Variants in TTLL9 observed in about 807,000 individuals in gnomAD.
TTLL9 encodes tubulin tyrosine ligase like 9.
A neutral mutation model predicts 65.6 loss-of-function variants in TTLL9; 47 were observed. The ratio of observed to expected loss-of-function variants is 0.72; its 90% CI spans 0.57 to 0.91. The LOEUF (loss-of-function observed/expected upper bound fraction) is 0.91, where lower values mean the gene tolerates loss of function less well. Ranked by LOEUF, TTLL9 falls within the 40% of genes least tolerant of loss-of-function variation. The pLI is 0.00. For missense variants in TTLL9, 537 were observed against 568.8 expected (o/e 0.94, Z 0.57); for synonymous variants, 179 against 204.8 (o/e 0.87, Z 1.07).
Position 31,898,533 on chromosome 20 carries a change from T to C in TTLL9, c.174T>C (p.Leu58=), listed in dbSNP as rs759222167. 1 of 1,614,204 alleles carries C rather than the reference T, an allele frequency of 6.2e-7. No individual in the cohort carries two copies. The highest frequency in any genetic ancestry group is 8.5e-7 in the Non-Finnish European group (1 of 1,180,034). The part of the protein sequence containing the change: ...TTLMNTLMDV[L]RHRPGWVEVK... ...TCATGAACACACTCATGGACGTCCTTCGCCACAGGCCAGGATGGGTGGAAG... is the reference window on the plus strand; with the variant it reads ...TCATGAACACACTCATGGACGTCCTCCGCCACAGGCCAGGATGGGTGGAAG... The change falls in exon 4 of 15, where the codon CTT becomes CTC. Residue 58 remains leucine (L), a synonymous_variant. Coordinates refer to ENST00000535842, the MANE Select transcript of TTLL9 (RefSeq NM_001008409.5).
intron 2 of TTLL9, chr20:31,884,233 A>T (rs925417796): frequency 5.4e-6 from 2 of 368,182 alleles, no homozygotes; most frequent in Non-Finnish European, 1.0e-5. Flanking sequence ...TTATTTATTT[A>T]TTTATTTTTT....
chr20:31,910,075 AC>A (rs2063624762), intron 6 of TTLL9, among the ~76,000 whole-genome samples, 153 bp downstream of exon 6: 1 of 152,154 alleles, frequency 6.6e-6, no homozygotes, highest in Admixed American at 6.5e-5. Flanking sequence ...CAGTGTGTGG[AC>A]CCAGCAGCTA....
chr20:31,941,914 G>A (rs117762288), intron 14 of TTLL9, among the ~76,000 whole-genome samples: 146 of 152,318 alleles, frequency 9.6e-4, no homozygotes, highest in South Asian at 2.3e-3. Flanking sequence ...TTAGGGAAGC[G>A]TTCAGGGACA....
chr20:31,933,766 T>C (rs2064058574), intron 10 of TTLL9, 34 bp from the exon 11 acceptor site: 1 of 1,609,004 alleles, frequency 6.2e-7, no homozygotes, highest in Non-Finnish European at 8.5e-7. Context: ...ACCCTTTTTG[T>C]TCACGCTGAC....
intron 3 of TTLL9, among the ~76,000 whole-genome samples, chr20:31,895,606 G>A (rs963257430): frequency 6.6e-6 from 1 of 151,790 alleles, no homozygotes; most frequent in African/African-American, 2.4e-5. Context: ...GTGTGATCTC[G>A]GCTCACTGCA....
At chr20:31,916,268 A>G (rs1292902621) in intron 6 of TTLL9, among the ~76,000 whole-genome samples, 1 of 152,236 alleles carries the variant, frequency 6.6e-6, no homozygotes, top group Non-Finnish European at 1.5e-5. Flanking sequence ...CACTTCTGCC[A>G]TAGGCAATTA....
intron 9 of TTLL9, among the ~76,000 whole-genome samples, chr20:31,925,518 TC>T (rs2063886216): frequency 1.3e-5 from 2 of 152,302 alleles, no homozygotes; most frequent in South Asian, 4.1e-4. Context: ...CAGAGCCTAC[TC>T]TTTTAACCAG....
intron 2 of TTLL9, among the ~76,000 whole-genome samples, chr20:31,873,197 G>A (rs2062962763): frequency 6.6e-6 from 1 of 152,302 alleles, no homozygotes; most frequent in South Asian, 2.1e-4. Context: ...ATGGCCCCCA[G>A]GCTTCCTGCC....
At chr20:31,932,386 C>T (rs534704013) in intron 10 of TTLL9, among the ~76,000 whole-genome samples, 7 of 146,218 alleles carry the variant, frequency 4.8e-5, no homozygotes, top group Non-Finnish European at 1.0e-4. Flanking sequence ...GCAGGAGAAT[C>T]GTTTGAACCC....
At chr20:31,899,609 G>T (rs1017446710) in intron 4 of TTLL9, among the ~76,000 whole-genome samples, 4 of 151,814 alleles carry the variant, frequency 2.6e-5, no homozygotes, top group African/African-American at 9.7e-5. Flanking sequence ...ACTCCAGCCT[G>T]GGTGACAGAG....
At chr20:31,921,821 T>C (rs2063819785) in intron 7 of TTLL9, among the ~76,000 whole-genome samples, 1 of 151,944 alleles carries the variant, frequency 6.6e-6, no homozygotes, top group Non-Finnish European at 1.5e-5. Context: ...CGGGGCTTAT[T>C]TTGGGGTGGA....
intron 4 of TTLL9, among the ~76,000 whole-genome samples, chr20:31,906,543 T>C (rs2063562187): frequency 6.6e-6 from 1 of 152,222 alleles, no homozygotes; most frequent in South Asian, 2.1e-4. Context: ...TGTCTCTTCA[T>C]TTTTCTCCAT....
intron 10 of TTLL9, among the ~76,000 whole-genome samples, chr20:31,932,034 G>C (rs1049921792): frequency 6.6e-6 from 1 of 152,118 alleles, no homozygotes; most frequent in Non-Finnish European, 1.5e-5. Flanking sequence ...TTAGGTCTGT[G>C]GTCCATTCAA....
chr20:31,907,801 A>G (rs577299019), intron 4 of TTLL9, among the ~76,000 whole-genome samples: 63 of 152,256 alleles, frequency 4.1e-4, no homozygotes. Context: ...GCGGCAGAAC[A>G]GAAGGAGATA....
intron 4 of TTLL9, 122 bp from the exon 5 acceptor site, chr20:31,908,469 A>T (rs2063593294): frequency 1.5e-6 from 1 of 658,914 alleles, no homozygotes; most frequent in Non-Finnish European, 2.8e-6. Flanking sequence ...CCTCCAAGAG[A>T]CTCTAGAGGG....
intron 2 of TTLL9, among the ~76,000 whole-genome samples, chr20:31,881,570 C>A (rs2063118304): frequency 6.6e-6 from 1 of 150,836 alleles, no homozygotes; most frequent in Non-Finnish European, 1.5e-5. Flanking sequence ...AAAATTAATA[C>A]TCTTTAAATA....
chr20:31,902,111 T>C (rs2063487814), intron 4 of TTLL9, among the ~76,000 whole-genome samples: 1 of 85,752 alleles, frequency 1.2e-5, no homozygotes, highest in Non-Finnish European at 2.5e-5. Flanking sequence ...CATCACCACT[T>C]TTTTTTTCCC....
chr20:31,925,791 T>G, intron 9 of TTLL9: 1 of 1,283,276 alleles, frequency 7.8e-7, no homozygotes, highest in Non-Finnish European at 1.1e-6. Flanking sequence ...GAGGAAACGG[T>G]AGGTGCAAGA....
intron 3 of TTLL9, among the ~76,000 whole-genome samples, chr20:31,892,159 C>T (rs1488333589): frequency 6.7e-6 from 1 of 149,074 alleles, no homozygotes; most frequent in African/African-American, 2.5e-5. Flanking sequence ...AAAAAATACT[C>T]ATTACATGGT....
Sources: allele counts gnomAD v4.1 joint callset (sites outside exome capture counted in the v4.1 genomes callset), GRCh38; gene constraint gnomAD v4.1.1; transcripts MANE v1.5; gene names NCBI Gene and HGNC (gene_info 2026-07-23, HGNC 2026-07-21).